The following MOCOS variants were observed in gnomAD, a reference collection of about 807,000 sequenced individuals.
MOCOS encodes human molybdenum cofactor sulfurase.
A neutral mutation model predicts 83.6 loss-of-function variants in MOCOS; 86 were observed. That is an observed-to-expected ratio of 1.03 (90% CI 0.86 to 1.23). MOCOS has a LOEUF of 1.23. MOCOS is among the 50% of genes most tolerant of loss of function. The probability of loss-of-function intolerance (pLI) is 0.00; values close to 1 mark genes in which losing one functional copy is unlikely to be tolerated. For synonymous variants in MOCOS, 445 were observed against 434.7 expected (o/e 1.02, Z -0.29); for missense variants, 1,120 against 1,126.9 (o/e 0.99, Z 0.09).
At chr18:36,199,600 A>G (rs548215470) in intron 3 of MOCOS, 83 bp from the exon 4 acceptor site, 9 of 1,590,212 alleles carry the variant, frequency 5.7e-6, no homozygotes, top group Middle Eastern at 2.3e-4. Context: ...GAGATGTCAT[A>G]GTTAATAGAA....
rs1484391933 is a variant in MOCOS, at chr18:36,270,267, C to T, written c.*1582C>T. The T allele has an allele frequency of 6.6e-6, 1 of 152,180 alleles. No homozygotes were observed. Among genetic ancestry groups the T allele is most frequent in the African/African-American group, 2.4e-5 (1 of 41,434 alleles). 9.4% of individuals were successfully genotyped at this position (152,180 alleles called of 1,614,324 possible). ...TCAGCTAACTGATAGGAGAACAATG[C>T]CCTAAAGTAATGGATTTATCCACCT... On this transcript the variant is annotated 3_prime_UTR_variant, in exon 15 of 15. Transcript: ENST00000261326.
At chr18:36,202,012 G>A (rs571017131) in intron 4 of MOCOS, among the ~76,000 whole-genome samples, 1 of 152,228 alleles carries the variant, frequency 6.6e-6, no homozygotes, top group South Asian at 2.1e-4. Context: ...AATGGGCTGG[G>A]GGGGATCAGA....
intron 9 of MOCOS, among the ~76,000 whole-genome samples, chr18:36,243,176 G>A (rs932661774): frequency 2.6e-5 from 4 of 152,238 alleles, no homozygotes; most frequent in Middle Eastern, 3.4e-3. Context: ...CTTTTTGGAT[G>A]AGTCTTTAAG....
In MOCOS at chr18:36,249,011, G is replaced by T; in HGVS notation, c.2039+11G>T. The T allele has an allele frequency of 6.2e-7, 1 of 1,612,624 alleles. No individual in the cohort carries two copies. The highest frequency in any genetic ancestry group is 8.5e-7 in the Non-Finnish European group (1 of 1,178,652). ...GGTCTGTGCTGACAGGTGAGACTCT[G>T]AAGCACGTGAAAATCTCAGCTTTAT... is the stretch of plus-strand genomic sequence containing the variant. On this transcript the variant is annotated intron_variant, in intron 10 of 14. Coordinates refer to ENST00000261326, the MANE Select transcript of MOCOS (RefSeq NM_017947.4).
At chr18:36,223,647 A>G (rs1871439407) in intron 9 of MOCOS, among the ~76,000 whole-genome samples, 1 of 152,170 alleles carries the variant, frequency 6.6e-6, no homozygotes, top group African/African-American at 2.4e-5. Flanking sequence ...TGCGATTTTG[A>G]TAGGGATTGC....
At chr18:36,214,391 C>T (rs906001947) in intron 7 of MOCOS, among the ~76,000 whole-genome samples, 4 of 151,918 alleles carry the variant, frequency 2.6e-5, no homozygotes, top group South Asian at 2.1e-4. Context: ...GAGGATGTGC[C>T]CTTACCTGGT....
chr18:36,201,663 CAAAAA>C (rs200846253), intron 4 of MOCOS, among the ~76,000 whole-genome samples: 1,571 of 69,518 alleles, frequency 0.023, 80 homozygotes, highest in African/African-American at 0.07. Context: ...ACTCCATCTC[CAAAAA>C]AAAAAAAAAA....
chr18:36,222,652 A>T (rs552428479), intron 9 of MOCOS, among the ~76,000 whole-genome samples: 1 of 147,296 alleles, frequency 6.8e-6, no homozygotes, highest in African/African-American at 2.5e-5. Flanking sequence ...CCCAGGCTGG[A>T]GTACAGTGGC....
chr18:36,232,294 C>T (rs1360485158), intron 9 of MOCOS, among the ~76,000 whole-genome samples: 2 of 152,114 alleles, frequency 1.3e-5, no homozygotes, highest in Non-Finnish European at 2.9e-5. Context: ...TTGTATATTT[C>T]ATAATAATGA....
At chr18:36,209,087 A>G (rs76359337) in intron 6 of MOCOS, among the ~76,000 whole-genome samples, 10,016 of 152,012 alleles carry the variant, frequency 0.066, 478 homozygotes, top group Non-Finnish European at 0.098. Flanking sequence ...TATGTAATAA[A>G]TCACATATAT....
At chr18:36,246,497 A>G (rs1171199585) in intron 9 of MOCOS, among the ~76,000 whole-genome samples, 2 of 152,218 alleles carry the variant, frequency 1.3e-5, no homozygotes, top group Non-Finnish European at 1.5e-5. Context: ...TCTTCCAGCT[A>G]TGGATACCAG....
At position 36,238,099 on chromosome 18, in the gene MOCOS, A is replaced by G. The variant is rs1218084276; in HGVS notation, c.1961-10823A>G. Among the ~76,000 whole-genome samples, 745 of 146,848 alleles carry G rather than the reference A, an allele frequency of 5.1e-3. 3 individuals carry two copies. The highest frequency in any genetic ancestry group is 0.017 in the African/African-American group (691 of 39,876). On this transcript the variant is annotated intron_variant, in intron 9 of 14. Transcript: ENST00000261326. ...CAAAAAACCAGCTCCTGGATTCATT[A>G]ATTTTTTGAAGGGTTTTTTGTGTCT...
At chr18:36,252,287 G>A (rs956812011) in intron 11 of MOCOS, among the ~76,000 whole-genome samples, 2 of 152,194 alleles carry the variant, frequency 1.3e-5, no homozygotes, top group Admixed American at 6.5e-5. Flanking sequence ...TTGGGAGGCT[G>A]AGGAGGGAGG....
intron 6 of MOCOS, 146 bp from the exon 7 acceptor site, chr18:36,213,220 C>T: frequency 1.4e-6 from 1 of 718,486 alleles, no homozygotes; most frequent in Non-Finnish European, 2.5e-6. Flanking sequence ...CAACGTTTAA[C>T]CTGTGATAAA....
intron 9 of MOCOS, among the ~76,000 whole-genome samples, chr18:36,225,415 G>T (rs952469685): frequency 3.9e-5 from 6 of 152,194 alleles, no homozygotes; most frequent in Non-Finnish European, 7.3e-5. Flanking sequence ...CTCCCAAAGT[G>T]CTGGGATTAC....
chr18:36,192,805 C>T (rs555262544), intron 1 of MOCOS, among the ~76,000 whole-genome samples: 10 of 152,036 alleles, frequency 6.6e-5, no homozygotes, highest in South Asian at 2.1e-4. Context: ...ACGCCATTAC[C>T]GCCTGGCTAA....
rs113821168 is a variant in MOCOS, at chr18:36,206,492, C to G, written c.1218+1216C>G. On this transcript the variant is annotated intron_variant, in intron 6 of 14. Coordinates refer to ENST00000261326, the MANE Select transcript of MOCOS (RefSeq NM_017947.4). ...AACTCCTGACCTCAGGTGATCTGCC[C>G]GCCTCAGCCTCCCAAAGTGCCGGGA... Among the ~76,000 whole-genome samples, 153 of 151,198 alleles carry G rather than the reference C, an allele frequency of 1.0e-3. 1 individual carries two copies. The highest frequency in any genetic ancestry group is 3.5e-3 in the African/African-American group (144 of 41,168).
intron 2 of MOCOS, among the ~76,000 whole-genome samples, chr18:36,196,712 C>G (rs2091389171): frequency 1.3e-5 from 2 of 151,848 alleles, no homozygotes; most frequent in African/African-American, 2.4e-5. Flanking sequence ...GTGGGAAAGC[C>G]TGAGAGATGG....
At chr18:36,251,647 CTCTATCACCAA>C (rs1438133254) in intron 11 of MOCOS, among the ~76,000 whole-genome samples, 2 of 152,204 alleles carry the variant, frequency 1.3e-5, no homozygotes, top group East Asian at 3.8e-4. Flanking sequence ...TAGTTTTTAG[CTCTATCACCAA>C]TCAATGGCGT....
Sources: gnomAD v4.1 joint callset for allele counts (sites outside exome capture counted in the v4.1 genomes callset) on GRCh38, gnomAD v4.1.1 for gene constraint, MANE v1.5 for transcripts, NCBI Gene and HGNC (gene_info 2026-07-23, HGNC 2026-07-21) for gene names.